The following CALN1 variants were observed in gnomAD, a reference collection of about 807,000 sequenced individuals.
The protein encoded by CALN1 is calneuron 1.
Under a neutral mutation model 30.6 loss-of-function variants are expected in CALN1, and 17 were observed. The ratio of observed to expected loss-of-function variants is 0.56; its 90% CI spans 0.38 to 0.83. The LOEUF is 0.83. Ranked by LOEUF, CALN1 falls within the 40% of genes least tolerant of loss-of-function variation. The pLI, the probability that CALN1 is intolerant of heterozygous loss-of-function variation, is 0.00. For synonymous variants in CALN1, 156 were observed against 131.4 expected (o/e 1.19, Z -1.28); for missense variants, 291 against 354.9 (o/e 0.82, Z 1.45).
At chr7:71,944,212 C>T (rs1022541145) in intron 5 of CALN1, among the ~76,000 whole-genome samples, 5 of 151,962 alleles carry the variant, frequency 3.3e-5, no homozygotes, top group Admixed American at 1.3e-4. Context: ...TCTGGGAGGC[C>T]GAGGTAGGTG....
intron 2 of CALN1, among the ~76,000 whole-genome samples, chr7:72,389,237 G>A (rs1805425097): frequency 6.6e-6 from 1 of 152,156 alleles, no homozygotes; most frequent in Non-Finnish European, 1.5e-5. Flanking sequence ...CCAGAGAGAA[G>A]GATGCAGGAA....
chr7:71,856,200 TAC>T, intron 5 of CALN1, among the ~76,000 whole-genome samples: 1 of 151,652 alleles, frequency 6.6e-6, no homozygotes, highest in South Asian at 2.1e-4. Flanking sequence ...TATGTAAATA[TAC>T]ATATATATTT....
intron 5 of CALN1, among the ~76,000 whole-genome samples, chr7:71,847,700 A>T (rs117542047): frequency 1.7e-5 from 2 of 116,128 alleles, no homozygotes; most frequent in Admixed American, 1.8e-4. Context: ...AGGAGGAAGA[A>T]GAAAGAAGAA....
intron 4 of CALN1, among the ~76,000 whole-genome samples, chr7:72,057,146 C>T (rs984226771): frequency 1.2e-4 from 18 of 151,868 alleles, no homozygotes; most frequent in African/African-American, 4.1e-4. Context: ...GGGGTCTCAC[C>T]ATGTTGCCCA....
intron 2 of CALN1, among the ~76,000 whole-genome samples, chr7:72,310,871 C>T (rs1018999722): frequency 2.1e-5 from 3 of 143,902 alleles, no homozygotes; most frequent in Admixed American, 7.2e-5. Flanking sequence ...CCACTGCACT[C>T]TGTCGCCAGC....
the CALN1 span, among the ~76,000 whole-genome samples, chr7:72,453,399 G>A: frequency 6.6e-6 from 1 of 152,202 alleles, no homozygotes; most frequent in Non-Finnish European, 1.5e-5. Flanking sequence ...GAAGTTTCTA[G>A]AAAAGGGATA....
intron 5 of CALN1, among the ~76,000 whole-genome samples, chr7:71,973,172 G>GTT (rs911518247): frequency 6.7e-6 from 1 of 148,406 alleles, no homozygotes; most frequent in Non-Finnish European, 1.5e-5. Context: ...TCTGTTTTGG[G>GTT]TTTTTTTTTT....
At chr7:72,390,635 C>T (rs764942260) in intron 2 of CALN1, among the ~76,000 whole-genome samples, 6 of 151,998 alleles carry the variant, frequency 3.9e-5, no homozygotes, top group African/African-American at 7.3e-5. Context: ...CACAAGGCAC[C>T]GTGGAATTAG....
intron 5 of CALN1, among the ~76,000 whole-genome samples, chr7:71,836,771 C>T (rs1789633851): frequency 6.6e-6 from 1 of 151,770 alleles, no homozygotes; most frequent in Non-Finnish European, 1.5e-5. Flanking sequence ...GCACCCAACA[C>T]CACGTCCAGC....
chr7:72,430,158 G>A (rs554937291), intron 1 of CALN1, among the ~76,000 whole-genome samples: 1 of 148,862 alleles, frequency 6.7e-6, no homozygotes, highest in South Asian at 2.1e-4. Flanking sequence ...AATTATTATA[G>A]ATTTATATAT....
At chr7:72,463,849 C>A in the CALN1 span, among the ~76,000 whole-genome samples, 15 of 152,120 alleles carry the variant, frequency 9.9e-5, no homozygotes, top group Admixed American at 7.9e-4. Flanking sequence ...GCGTGAGCCA[C>A]TTTTCCTGGC....
intron 3 of CALN1, among the ~76,000 whole-genome samples, chr7:72,201,749 A>AG (rs1307031086): frequency 2.0e-5 from 3 of 150,452 alleles, no homozygotes; most frequent in African/African-American, 7.5e-5. Context: ...AAAAAAAAAA[A>AG]AAAAAAAGCA....
intron 5 of CALN1, among the ~76,000 whole-genome samples, chr7:71,896,047 A>G (rs533629452): frequency 1.3e-5 from 2 of 152,242 alleles, no homozygotes; most frequent in Non-Finnish European, 2.9e-5. Flanking sequence ...GCTGCCCTGT[A>G]TAGTGCCTGC....
In CALN1 at chr7:72,338,484, T is replaced by A. The variant is rs868469062; in HGVS notation, c.120-59674A>T. On this transcript the variant is annotated intron_variant, in intron 2 of 6. Coordinates refer to ENST00000395275, the MANE Select transcript of CALN1 (RefSeq NM_031468.4). Reference sequence around the variant, plus strand: ...GCCAGCAGCACAGTGTGTGTGTGTGTGTGTGTGTGTGTGTGTGTGTGTGTG... The same window carrying A: ...GCCAGCAGCACAGTGTGTGTGTGTGAGTGTGTGTGTGTGTGTGTGTGTGTG... 3.9e-3 allele frequency among the ~76,000 whole-genome samples: 494 copies of A among 126,856 alleles called. 4 individuals carry two copies. The highest frequency in any genetic ancestry group is 0.01 in the African/African-American group (299 of 29,320). 83.2% of individuals were successfully genotyped at this position (126,856 alleles called of 152,430 possible).
At chr7:72,068,180 T>C (rs1804153301) in intron 4 of CALN1, among the ~76,000 whole-genome samples, 1 of 152,212 alleles carries the variant, frequency 6.6e-6, no homozygotes, top group African/African-American at 2.4e-5. Flanking sequence ...ACTTTTTAAA[T>C]GCAAGCACCT....
At chr7:71,999,819 A>G (rs1799437985) in intron 5 of CALN1, among the ~76,000 whole-genome samples, 1 of 151,962 alleles carries the variant, frequency 6.6e-6, no homozygotes, top group Admixed American at 6.6e-5. Flanking sequence ...AGCCATATGC[A>G]TTTTTTTTAA....
intron 2 of CALN1, among the ~76,000 whole-genome samples, chr7:72,344,844 G>A (rs2129558972): frequency 6.8e-6 from 1 of 146,370 alleles, no homozygotes; most frequent in Admixed American, 6.9e-5. Context: ...AAAAATATAA[G>A]TATATATAGC....
intron 2 of CALN1, among the ~76,000 whole-genome samples, chr7:72,333,752 A>C (rs1194911138): frequency 6.6e-6 from 1 of 151,448 alleles, no homozygotes; most frequent in African/African-American, 2.4e-5. Flanking sequence ...AAACCAGTAC[A>C]GGCACACGTG....
chr7:72,165,629 C>T (rs773232888), intron 3 of CALN1, among the ~76,000 whole-genome samples: 6 of 151,722 alleles, frequency 4.0e-5, no homozygotes, highest in Non-Finnish European at 8.8e-5. Context: ...CAAAGAAAAG[C>T]GAAAATGGGA....
Sources: allele counts gnomAD v4.1 joint callset (sites outside exome capture counted in the v4.1 genomes callset), GRCh38; gene constraint gnomAD v4.1.1; transcripts MANE v1.5; gene names NCBI Gene and HGNC (gene_info 2026-07-23, HGNC 2026-07-21).